Variants in MYOM1 observed in about 807,000 individuals in gnomAD.
MYOM1 encodes myomesin-1.
A neutral mutation model predicts 205.3 loss-of-function variants in MYOM1; 164 were observed. The ratio of observed to expected loss-of-function variants is 0.80; its 90% CI spans 0.70 to 0.91. The LOEUF (loss-of-function observed/expected upper bound fraction) is 0.91. Ranked by LOEUF, MYOM1 falls within the 40% of genes least tolerant of loss-of-function variation. MYOM1 has a pLI of 0.00. For synonymous variants in MYOM1, 772 were observed against 789.4 expected (o/e 0.98, Z 0.37); for missense variants, 2,011 against 2,127.3 (o/e 0.95, Z 1.08).
chr18:3,146,392 C>T (rs1272657628), intron 13 of MYOM1, among the ~76,000 whole-genome samples: 2 of 152,012 alleles, frequency 1.3e-5, no homozygotes, highest in Admixed American at 6.6e-5. Flanking sequence ...AAAAGGATAA[C>T]ACAGCATAAC....
At chr18:3,075,309 G>A (rs1199827616) in intron 36 of MYOM1, 145 bp downstream of exon 36, 2 of 726,970 alleles carry the variant, frequency 2.8e-6, no homozygotes, top group Non-Finnish European at 4.6e-6. Flanking sequence ...AGACTAAAAT[G>A]AAAACATATG....
rs923027527 is a variant in MYOM1, at chr18:3,159,508, G to A, written c.1502-4420C>T. Among the ~76,000 whole-genome samples the A allele has an allele frequency of 6.6e-5, 10 of 152,112 alleles. No homozygotes were observed. In the East Asian group the frequency reaches 1.9e-3, roughly 29 times the overall value. Reference sequence around the variant, plus strand: ...TATGACCTAGCAATTCCACTTGTAGGTAGATACCCAAGAGAAATGAAGATA... The same window carrying A: ...TATGACCTAGCAATTCCACTTGTAGATAGATACCCAAGAGAAATGAAGATA... On this transcript the variant is annotated intron_variant, in intron 10 of 37. Transcript: ENST00000356443.
In MYOM1 at chr18:3,164,005, G is replaced by A. The variant is rs9303922; in HGVS notation, c.1501+273C>T. 0.66 allele frequency among the ~76,000 whole-genome samples: 99,564 copies of A among 150,628 alleles called. 33,168 individuals are homozygous for A. Among genetic ancestry groups the A allele is most frequent in the East Asian group, 0.73 (3,714 of 5,116 alleles). On this transcript the variant is annotated intron_variant, in intron 10 of 37. Coordinates refer to ENST00000356443, the MANE Select transcript of MYOM1 (RefSeq NM_003803.4). ...GTAGCTGGGACCACAGGTGCATGCC[G>A]CCATGCCCAGCTAATCAAAAAAATT...
chr18:3,240,051 G>A, the MYOM1 span, among the ~76,000 whole-genome samples: 256 of 152,208 alleles, frequency 1.7e-3, 1 homozygote, highest in African/African-American at 6.0e-3. Flanking sequence ...TAAAAGATTG[G>A]CTAAAGTAAG....
chr18:3,149,156 T>C lies in MYOM1; in HGVS notation c.1889A>G (p.Glu630Gly), dbSNP rs2080180751. 1 of 1,613,718 alleles carries C rather than the reference T, an allele frequency of 6.2e-7. No individual in the cohort carries two copies. Among genetic ancestry groups the C allele is most frequent in the African/African-American group, 1.3e-5 (1 of 74,938 alleles). Residue 630 changes from glutamate to glycine, a missense_variant, in exon 13 of 38, where the codon GAG becomes GGG. Physicochemically the swap from Glu to Gly is moderately conservative, Grantham distance 98 (BLOSUM62 -2). Coordinates refer to ENST00000356443, the MANE Select transcript of MYOM1 (RefSeq NM_003803.4). ...PWTGQIIVTE[E>G]EPSEGIVPGP... ...ACCAGACTTCTTACCTGAAGGTTCC[T>C]CTTCAGTAACAATGATCTGTCCAGT...
rs749406721 is a variant in MYOM1 at position 3,155,085 on chromosome 18, G to C, written c.1505C>G (p.Ala502Gly). Residue 502 changes from alanine (A) to glycine (G), a missense_variant, in exon 11 of 38, where the codon GCT (alanine) becomes GGT (glycine). By Grantham distance (60) the Ala-to-Gly change is moderately conservative. Coordinates refer to ENST00000356443, the MANE Select transcript of MYOM1 (RefSeq NM_003803.4). ...QYSAYVFVRD[A>G]DAEIEGAPAA... ...TGGGGCTCCTTCAATCTCTGCATCA[G>C]CATCTGTGGAGACAGAGAAGGATCC... 8.7e-6 allele frequency: 14 copies of C among 1,610,612 alleles called. No homozygotes were observed. The highest frequency in any genetic ancestry group is 1.2e-5 in the Non-Finnish European group (14 of 1,178,228).
At chr18:3,231,179 G>A in the MYOM1 span, among the ~76,000 whole-genome samples, 1 of 152,230 alleles carries the variant, frequency 6.6e-6, no homozygotes, top group Admixed American at 6.5e-5. Flanking sequence ...GGGCCAAAAA[G>A]GCGAGCCAAG....
chr18:3,087,210 G>A (rs1375553755), intron 29 of MYOM1, among the ~76,000 whole-genome samples: 2 of 152,150 alleles, frequency 1.3e-5, no homozygotes, highest in Non-Finnish European at 2.9e-5. Context: ...GCTTTGCTGA[G>A]TACATTGCTC....
the MYOM1 span, among the ~76,000 whole-genome samples, chr18:3,228,323 G>C: frequency 6.6e-6 from 1 of 152,186 alleles, no homozygotes; most frequent in Non-Finnish European, 1.5e-5. This position sits in a 1 kb window ranked among gnomAD's most constrained non-coding sequence, Gnocchi z 4.5. Context: ...AAGCGTGTCT[G>C]CCTTTTGCTG....
At chr18:3,118,577 C>A (rs1485927280) in intron 20 of MYOM1, among the ~76,000 whole-genome samples, 2 of 152,048 alleles carry the variant, frequency 1.3e-5, no homozygotes, top group African/African-American at 4.8e-5. Flanking sequence ...CAGGCAATCC[C>A]CCTGCCTCAG....
chr18:3,184,579 GT>G (rs1290005426), intron 5 of MYOM1, among the ~76,000 whole-genome samples: 1 of 152,002 alleles, frequency 6.6e-6, no homozygotes, highest in African/African-American at 2.4e-5. Flanking sequence ...TTGTTTGTTT[GT>G]TTTTTTGTTT....
chr18:3,083,399 CTTTCT>C (rs1246376511), intron 33 of MYOM1, among the ~76,000 whole-genome samples: 3 of 135,456 alleles, frequency 2.2e-5, no homozygotes, highest in Admixed American at 7.3e-5. Flanking sequence ...CTTTTTCTTT[CTTTCT>C]TTTCTTTTTT....
At chr18:3,142,413 C>A (rs1311152975) in intron 13 of MYOM1, among the ~76,000 whole-genome samples, 1 of 151,900 alleles carries the variant, frequency 6.6e-6, no homozygotes, top group African/African-American at 2.4e-5. Context: ...AGGTGCACAC[C>A]ACCACACCTA....
intron 5 of MYOM1, 111 bp downstream of exon 5, chr18:3,187,369 T>A: frequency 1.6e-6 from 2 of 1,216,984 alleles, no homozygotes; most frequent in Admixed American, 2.2e-5. Flanking sequence ...ACCTATACAA[T>A]CTTGTAGATG....
chr18:3,186,435 A>G (rs2080810590), intron 5 of MYOM1, among the ~76,000 whole-genome samples: 1 of 152,238 alleles, frequency 6.6e-6, no homozygotes, highest in Non-Finnish European at 1.5e-5. Context: ...ACCAGAGAGT[A>G]AAACTGAAAT....
intron 5 of MYOM1, among the ~76,000 whole-genome samples, chr18:3,177,176 C>T (rs1160819750): frequency 1.3e-5 from 2 of 148,512 alleles, no homozygotes; most frequent in East Asian, 2.1e-4. Context: ...GAGGCTGAGG[C>T]TGCAGTGAGC....
rs542336503 is a variant in MYOM1 at position 3,174,298 on chromosome 18, C to T, written c.1023-90G>A. 11 of 1,114,998 alleles carry T rather than the reference C, an allele frequency of 9.9e-6. No homozygotes were observed. In the Admixed American group the frequency reaches 1.2e-4, roughly 12 times the overall value. The allele number at this position is 1,114,998 out of a possible 1,614,324, so 69.1% of individuals were successfully genotyped here. ...ATCAAGGAACTCTTTGCTATCACAGCCCCCTGCAAATCAGTGGCTAACACA... is the reference window on the plus strand; with the variant it reads ...ATCAAGGAACTCTTTGCTATCACAGTCCCCTGCAAATCAGTGGCTAACACA... On this transcript the variant is annotated intron_variant, in intron 6 of 37. Transcript: ENST00000356443.
At chr18:3,121,476 T>A (rs1211993897) in intron 19 of MYOM1, among the ~76,000 whole-genome samples, 1 of 152,134 alleles carries the variant, frequency 6.6e-6, no homozygotes, top group Non-Finnish European at 1.5e-5. Flanking sequence ...GATGGTGCAA[T>A]TACATCTTCA....
intron 9 of MYOM1, among the ~76,000 whole-genome samples, chr18:3,166,138 G>T (rs1318748569): frequency 6.6e-6 from 1 of 152,098 alleles, no homozygotes; most frequent in Non-Finnish European, 1.5e-5. Flanking sequence ...AACTTCAAGG[G>T]GTGACAGCAG....
Sources: gnomAD v4.1 joint callset for allele counts (sites outside exome capture counted in the v4.1 genomes callset) on GRCh38, gnomAD v4.1.1 for gene constraint, Gnocchi (gnomAD v3.1) non-coding constraint, MANE v1.5 for transcripts, NCBI Gene and HGNC (gene_info 2026-07-23, HGNC 2026-07-21) for gene names.